Variants in NLGN1 observed in about 807,000 individuals in gnomAD.
The protein encoded by NLGN1 is neuroligin 1.
A neutral mutation model predicts 65.5 loss-of-function variants in NLGN1; 12 were observed. That is an observed-to-expected ratio of 0.18 (90% CI 0.12 to 0.30). The LOEUF is 0.30. Among genes scored for constraint, NLGN1 ranks in the 10% least tolerant of loss-of-function variants. NLGN1 has a pLI of 1.00. For missense variants in NLGN1, 750 were observed against 1,007.1 expected, an observed-to-expected ratio of 0.74 and a Z score of 3.46; for synonymous variants, 350 against 359.5, an observed-to-expected ratio of 0.97 and a Z score of 0.30.
chr3:174,290,505 C>T (rs1235235098), downstream of NLGN1, among the ~76,000 whole-genome samples: 2 of 150,578 alleles, frequency 1.3e-5, no homozygotes, highest in Non-Finnish European at 3.0e-5. Flanking sequence ...GTCATGTCCT[C>T]GAAATAGGGA....
intron 4 of NLGN1, among the ~76,000 whole-genome samples, chr3:174,048,393 G>A (rs1230313050): frequency 6.6e-6 from 1 of 152,072 alleles, no homozygotes; most frequent in African/African-American, 2.4e-5. Context: ...AAGTGCCCGT[G>A]AGAGGTGAAA....
chr3:173,415,903 A>ATATG (rs2148668389), intron 1 of NLGN1, among the ~76,000 whole-genome samples: 1 of 133,278 alleles, frequency 7.5e-6, no homozygotes, highest in East Asian at 2.0e-4. Flanking sequence ...ATATATATAT[A>ATATG]TAGAGAGAGA....
chr3:173,640,605 T>A (rs1346759675), intron 3 of NLGN1, among the ~76,000 whole-genome samples: 1 of 152,144 alleles, frequency 6.6e-6, no homozygotes, highest in Non-Finnish European at 1.5e-5. Flanking sequence ...AGAGTCCATA[T>A]TTAAATTTAC....
intron 3 of NLGN1, among the ~76,000 whole-genome samples, chr3:173,607,413 A>G (rs2149456542): frequency 6.6e-6 from 1 of 151,880 alleles, no homozygotes; most frequent in East Asian, 1.9e-4. Flanking sequence ...TAATATATCC[A>G]ATTATTATTA....
chr3:174,049,381 T>A (rs933887889), intron 4 of NLGN1, among the ~76,000 whole-genome samples: 1 of 152,064 alleles, frequency 6.6e-6, no homozygotes, highest in Non-Finnish European at 1.5e-5. Context: ...GTAAGATGCA[T>A]GTGACAGTTA....
intron 4 of NLGN1, among the ~76,000 whole-genome samples, chr3:174,043,621 A>G (rs1732847050): frequency 6.6e-6 from 1 of 152,228 alleles, no homozygotes; most frequent in Non-Finnish European, 1.5e-5. Context: ...ATGCTGATGC[A>G]AGAGGTGGGC....
chr3:173,638,795 G>C (rs1204311907), intron 3 of NLGN1, among the ~76,000 whole-genome samples: 2 of 152,170 alleles, frequency 1.3e-5, no homozygotes, highest in South Asian at 4.1e-4. Flanking sequence ...TTCATTGTGA[G>C]ATGTGTCACA....
chr3:174,095,458 A>G (rs1483997251), intron 4 of NLGN1, among the ~76,000 whole-genome samples: 1 of 150,072 alleles, frequency 6.7e-6, no homozygotes, highest in African/African-American at 2.5e-5. Context: ...TTCTTGTGCA[A>G]GAGCTGATGT....
chr3:173,980,653 A>G (rs917837915), intron 4 of NLGN1, among the ~76,000 whole-genome samples: 3 of 152,126 alleles, frequency 2.0e-5, no homozygotes, highest in African/African-American at 7.2e-5. Context: ...TTTTCAAAAA[A>G]AACATTGTAT....
At chr3:173,800,253 C>CT (rs749351861) in intron 3 of NLGN1, 33,329 of 589,396 alleles carry the variant, frequency 0.057, 1 homozygote, top group South Asian at 0.069. Context: ...CTTGAATTGT[C>CT]TTTTTTTTTT....
intron 3 of NLGN1, among the ~76,000 whole-genome samples, 180 bp downstream of exon 2, chr3:173,605,271 AT>A (rs1751198548): frequency 6.6e-6 from 1 of 151,674 alleles, no homozygotes. Context: ...ATCTGTACTT[AT>A]TTTTTTCCTG....
intron 3 of NLGN1, among the ~76,000 whole-genome samples, chr3:173,610,886 A>G (rs894417434): frequency 1.6e-4 from 25 of 152,004 alleles, no homozygotes; most frequent in African/African-American, 6.0e-4. Flanking sequence ...AGGAAAATAG[A>G]GGTTGCTTTT....
chr3:173,864,429 A>G (rs1729730177), intron 4 of NLGN1, among the ~76,000 whole-genome samples: 1 of 152,192 alleles, frequency 6.6e-6, no homozygotes, highest in Admixed American at 6.5e-5. Flanking sequence ...TTTATTTATC[A>G]TAAGACAATT....
At chr3:173,513,478 G>A (rs904697819) in intron 2 of NLGN1, among the ~76,000 whole-genome samples, 1 of 152,042 alleles carries the variant, frequency 6.6e-6, no homozygotes, top group African/African-American at 2.4e-5. Flanking sequence ...TTCTATATTT[G>A]CCTTTCTCAC....
intron 2 of NLGN1, among the ~76,000 whole-genome samples, chr3:173,582,202 C>G (rs141307241): frequency 6.8e-4 from 103 of 152,082 alleles, no homozygotes; most frequent in African/African-American, 2.5e-3. Context: ...AGGTAACATT[C>G]ATTTTTCTTG....
chr3:173,402,316 C>T (rs1330493647), intron 1 of NLGN1, among the ~76,000 whole-genome samples: 1 of 152,086 alleles, frequency 6.6e-6, no homozygotes, highest in Non-Finnish European at 1.5e-5. Context: ...CTATGGACGA[C>T]CAATGATCTT....
At chr3:174,259,784 C>G (rs1746501254) in intron 4 of NLGN1, among the ~76,000 whole-genome samples, 1 of 151,034 alleles carries the variant, frequency 6.6e-6, no homozygotes, top group Admixed American at 6.6e-5. Flanking sequence ...GCTGCACCCA[C>G]TAAATCGTCA....
At chr3:173,438,633 T>C (rs1431859068) in intron 2 of NLGN1, among the ~76,000 whole-genome samples, 2 of 152,160 alleles carry the variant, frequency 1.3e-5, no homozygotes, top group Non-Finnish European at 2.9e-5. Context: ...AGTTTAGAGC[T>C]GAAATTATTA....
At chr3:173,621,073 A>C (rs139068770) in intron 3 of NLGN1, among the ~76,000 whole-genome samples, 1 of 152,278 alleles carries the variant, frequency 6.6e-6, no homozygotes, top group Non-Finnish European at 1.5e-5. Context: ...TTACAAATCA[A>C]GTCTGTACAA....
Sources: gnomAD v4.1 joint callset for allele counts (sites outside exome capture counted in the v4.1 genomes callset) on GRCh38, gnomAD v4.1.1 for gene constraint, MANE v1.5 for transcripts, NCBI Gene and HGNC (gene_info 2026-07-23, HGNC 2026-07-21) for gene names.